USP48: variants seen among roughly 807,000 people sequenced by gnomAD.
USP48 encodes the protein ubiquitin specific peptidase 48.
In USP48, 43 loss-of-function variants were observed where a neutral mutation model predicts 150.7. That is an observed-to-expected ratio of 0.29 (90% CI 0.22 to 0.37). USP48 has a LOEUF of 0.37. Ranked by LOEUF, USP48 falls within the 10% of genes least tolerant of loss-of-function variation. USP48 has a pLI of 1.00. For synonymous variants in USP48, 396 were observed against 425.9 expected (o/e 0.93, Z 0.86); for missense variants, 813 against 1,249.6 (o/e 0.65, Z 5.27).
intron 3 of USP48, among the ~76,000 whole-genome samples, chr1:21,756,184 A>C (rs972336838): frequency 7.9e-5 from 12 of 151,406 alleles, no homozygotes; most frequent in African/African-American, 2.9e-4. Context: ...TAATAATAAT[A>C]ATAAAATAAG....
At chr1:21,741,747 A>T (rs2097782252) in intron 8 of USP48, among the ~76,000 whole-genome samples, 1 of 152,198 alleles carries the variant, frequency 6.6e-6, no homozygotes, top group South Asian at 2.1e-4. Context: ...GAGCCGAGGC[A>T]AGAGGACTGC....
rs561556602 is a variant in USP48, at chr1:21,734,745, T to C, written c.1171+1701A>G. Among the ~76,000 whole-genome samples the C allele has an allele frequency of 1.2e-4, 18 of 152,328 alleles. No homozygotes were observed. The South Asian group carries it at 2.1e-3, about 18-fold the overall frequency. ...TCATCTCACTGTGCTGTGTGTTAGA[T>C]TTCCAGAACAAAGTATGTGCCCTTG... On this transcript the variant is annotated intron_variant, in intron 9 of 26. Transcript: ENST00000308271.
At chr1:21,729,505 A>AT (rs990541375) in intron 10 of USP48, among the ~76,000 whole-genome samples, 199 bp downstream of exon 10, 13 of 152,274 alleles carry the variant, frequency 8.5e-5, no homozygotes, top group African/African-American at 3.1e-4. Context: ...TTACTTTCTG[A>AT]TTTTTTAATA....
At chr1:21,762,227 A>G (rs2097851664) in intron 1 of USP48, among the ~76,000 whole-genome samples, 1 of 152,174 alleles carries the variant, frequency 6.6e-6, no homozygotes, top group African/African-American at 2.4e-5. Context: ...TGATCGCACC[A>G]GTGCATTCCA....
chr1:21,767,656 A>G (rs1373544736), intron 1 of USP48, among the ~76,000 whole-genome samples: 1 of 149,362 alleles, frequency 6.7e-6, no homozygotes, highest in Non-Finnish European at 1.5e-5. Context: ...TTTTTTTTCT[A>G]GAGACAGGGT....
intron 1 of USP48, among the ~76,000 whole-genome samples, chr1:21,765,532 G>A (rs2097859529): frequency 1.3e-5 from 2 of 151,590 alleles, no homozygotes; most frequent in South Asian, 2.1e-4. Context: ...CAGAAGGCTC[G>A]CTTGAACCCG....
chr1:21,679,483 A>G (rs753294190), intron 26 of USP48, 44 bp from the exon 27 acceptor site: 2 of 1,611,634 alleles, frequency 1.2e-6, no homozygotes, highest in Admixed American at 3.3e-5. Flanking sequence ...TGAACTACAG[A>G]TTAAAAGTTC....
intron 22 of USP48, among the ~76,000 whole-genome samples, chr1:21,700,351 C>T (rs79645773): frequency 0.049 from 7,498 of 152,112 alleles, 233 homozygotes; most frequent in Middle Eastern, 0.058. Context: ...GCCAATAAGC[C>T]ACGGAAAACA....
At chr1:21,714,690 C>T (rs1178040202) in intron 15 of USP48, among the ~76,000 whole-genome samples, 1 of 152,140 alleles carries the variant, frequency 6.6e-6, no homozygotes, top group East Asian at 1.9e-4. Context: ...ATCCCTTGCA[C>T]GATCATCTTG....
Position 21,687,077 on chromosome 1 carries a change from GA to G in USP48, c.3058+113del, listed in dbSNP as rs1254863121. On this transcript the variant is annotated intron_variant, in intron 25 of 26. Transcript: ENST00000308271. ...ATGTATTCTACTGTAACAATATGTG[GA>G]AGCTTTTTTCAAGGTTCAAAGTAAA... 26 of 942,228 alleles carry G rather than the reference GA, an allele frequency of 2.8e-5. No homozygotes were observed. In the Middle Eastern group the frequency reaches 6.8e-4, roughly 25 times the overall value. The allele number at this position is 942,228 out of a possible 1,614,324, so 58.4% of individuals were successfully genotyped here.
chr1:21,747,221 A>G, intron 7 of USP48, 72 bp from the exon 8 acceptor site: 1 of 1,067,154 alleles, frequency 9.4e-7, no homozygotes. Context: ...TCTATTAGCT[A>G]TTTTAATAAA....
intron 22 of USP48, among the ~76,000 whole-genome samples, chr1:21,696,289 A>G (rs2097630128): frequency 6.6e-6 from 1 of 152,172 alleles, no homozygotes; most frequent in Non-Finnish European, 1.5e-5. Context: ...AAAATGCAAA[A>G]TTAGCCGGGC....
rs935850090 is a variant in USP48 at position 21,753,429 on chromosome 1, C to T, written c.413-310G>A. On this transcript the variant is annotated intron_variant, in intron 3 of 26. Coordinates refer to ENST00000308271, the MANE Select transcript of USP48 (RefSeq NM_032236.8). ...TATTAGCCGGGTGTGGTGGTGCACA[C>T]ATGTAATCCCAGCTACTTGGGAGGC... 2.6e-5 allele frequency among the ~76,000 whole-genome samples: 4 copies of T among 151,724 alleles called. No individual in the cohort carries two copies. In the South Asian group the frequency reaches 6.2e-4, roughly 24 times the overall value.
At chr1:21,732,283 A>T (rs1338298078) in intron 9 of USP48, among the ~76,000 whole-genome samples, 1 of 152,168 alleles carries the variant, frequency 6.6e-6, no homozygotes, top group Admixed American at 6.5e-5. Context: ...TGTCTCAAAA[A>T]CAAAAAAAGA....
intron 20 of USP48, 46 bp from the exon 21 acceptor site, chr1:21,703,664 C>A (rs1425312797): frequency 7.3e-7 from 1 of 1,361,776 alleles, no homozygotes; most frequent in South Asian, 1.2e-5. Flanking sequence ...GCTGAGGAAT[C>A]ATTGTTAAAG....
intron 11 of USP48, chr1:21,724,507 T>C (rs2097730963): frequency 3.9e-6 from 1 of 259,000 alleles, no homozygotes. Flanking sequence ...AAATTATTTT[T>C]GTCAGTACTT....
In USP48 at chr1:21,693,338, T is replaced by G. The variant is rs1178089216; in HGVS notation, c.2883+1728A>C. 2.0e-5 allele frequency among the ~76,000 whole-genome samples: 3 copies of G among 152,314 alleles called. No individual in the cohort carries two copies. In the South Asian group the frequency reaches 6.2e-4, roughly 32 times the overall value. ...GCAAACCTTACAAACTCTGATGCTA[T>G]CCACACTGCCAGGCAAATAGGCTCA... On this transcript the variant is annotated intron_variant, in intron 23 of 26. Coordinates refer to ENST00000308271, the MANE Select transcript of USP48 (RefSeq NM_032236.8).
At chr1:21,745,864 A>G (rs1224820136) in intron 8 of USP48, among the ~76,000 whole-genome samples, 1 of 152,236 alleles carries the variant, frequency 6.6e-6, no homozygotes, top group Non-Finnish European at 1.5e-5. Flanking sequence ...ACTACTACAT[A>G]AAGTGAACTA....
Position 21,736,526 on chromosome 1 carries a change from C to G in USP48, c.1091G>C (p.Gly364Ala). 2 of 1,602,614 alleles carry G rather than the reference C, an allele frequency of 1.2e-6. No individual in the cohort carries two copies. Among genetic ancestry groups the G allele is most frequent in the Non-Finnish European group, 1.7e-6 (2 of 1,176,488 alleles). Residue 364 changes from glycine to alanine, a missense_variant, in exon 9 of 27, where the codon GGT (glycine) becomes GCT (alanine). By Grantham distance (60) the Gly-to-Ala change is moderately conservative. Coordinates refer to ENST00000308271, the MANE Select transcript of USP48 (RefSeq NM_032236.8). ...TTCATCATTAAACTTATACCATTCA[C>G]CAGACTGTGGATCTTTCACGTGGGC... ...YIAHVKDPQS[G>A]EWYKFNDEDI...
Sources: gnomAD v4.1 joint callset for allele counts (sites outside exome capture counted in the v4.1 genomes callset) on GRCh38, gnomAD v4.1.1 for gene constraint, MANE v1.5 for transcripts, NCBI Gene and HGNC (gene_info 2026-07-23, HGNC 2026-07-21) for gene names.